Variants in RUNX2 observed in about 807,000 individuals in gnomAD.
RUNX2 encodes the protein runt-related transcription factor 2.
In RUNX2, 10 loss-of-function variants were observed where a neutral mutation model predicts 51.7. The observed-to-expected ratio is 0.19, with a 90% CI of 0.12 to 0.33. The LOEUF (loss-of-function observed/expected upper bound fraction) is 0.33, where lower values mean the gene tolerates loss of function less well. Among genes scored for constraint, RUNX2 ranks in the 10% least tolerant of loss-of-function variants. The probability of loss-of-function intolerance (pLI) is 1.00; values close to 1 mark genes in which losing one functional copy is unlikely to be tolerated. For missense variants in RUNX2, 562 were observed against 691.3 expected (o/e 0.81, Z 2.10); for synonymous variants, 276 against 273.6 (o/e 1.01, Z -0.09).
rs11498192 is a variant in RUNX2, at chr6:45,422,749, A to AGGCGGCGGCGGCGGCTGC, written c.243_260dup (p.Ala84_Ala89dup). ...CAGCAACAGCAGCAGCAGCAGCAGG[A>AGGCGGCGGCGGCGGCTGC]GGCGGCGGCGGCGGCTGCGGCGGCG... On this transcript the variant is annotated inframe_insertion, in exon 3 of 9. Transcript: ENST00000647337. 5.3e-5 allele frequency: 81 copies of AGGCGGCGGCGGCGGCTGC among 1,531,164 alleles called. No homozygotes were observed. The highest frequency in any genetic ancestry group is 7.2e-5 in the African/African-American group (5 of 69,924). 94.8% of individuals were successfully genotyped at this position (1,531,164 alleles called of 1,614,324 possible).
chr6:45,469,714 A>G (rs1162302705), intron 5 of RUNX2, among the ~76,000 whole-genome samples: 1 of 152,226 alleles, frequency 6.6e-6, no homozygotes, highest in Admixed American at 6.5e-5. Context: ...CAAAACCACT[A>G]TGGGTAATTC....
At chr6:45,466,308 C>T (rs984632094) in intron 5 of RUNX2, among the ~76,000 whole-genome samples, 4 of 150,736 alleles carry the variant, frequency 2.7e-5, no homozygotes, top group African/African-American at 9.8e-5. Flanking sequence ...AGTGAAACTC[C>T]GTCTTAAAAA....
At chr6:45,417,465 A>G (rs1798088546) in intron 2 of RUNX2, among the ~76,000 whole-genome samples, 1 of 152,224 alleles carries the variant, frequency 6.6e-6, no homozygotes, top group African/African-American at 2.4e-5. Context: ...TATTAATCTA[A>G]TTAACAATTT....
chr6:45,535,408 TC>T (rs1442498946), intron 7 of RUNX2, among the ~76,000 whole-genome samples: 2 of 151,906 alleles, frequency 1.3e-5, no homozygotes, highest in Non-Finnish European at 2.9e-5. Context: ...ATCGAGACCA[TC>T]CTGGCTAACA....
intron 2 of RUNX2, among the ~76,000 whole-genome samples, chr6:45,390,790 A>C (rs1026382212): frequency 5.9e-5 from 9 of 152,204 alleles, no homozygotes; most frequent in Admixed American, 1.3e-4. Flanking sequence ...ACATCACAGG[A>C]GAGAAGCTGG....
chr6:45,362,984 T>TA (rs1794525107), intron 2 of RUNX2, among the ~76,000 whole-genome samples: 1 of 152,102 alleles, frequency 6.6e-6, no homozygotes, highest in Non-Finnish European at 1.5e-5. Flanking sequence ...TTTAATATTT[T>TA]ATTTTTAATT....
At chr6:45,535,560 C>T (rs529185564) in intron 7 of RUNX2, among the ~76,000 whole-genome samples, 8 of 151,094 alleles carry the variant, frequency 5.3e-5, no homozygotes, top group African/African-American at 1.2e-4. Flanking sequence ...GCCGAGATTG[C>T]GCCACTGCAC....
chr6:45,494,443 A>G (rs1021002707), intron 6 of RUNX2, among the ~76,000 whole-genome samples: 5 of 152,236 alleles, frequency 3.3e-5, no homozygotes, highest in Admixed American at 3.3e-4. Flanking sequence ...TGGAATTTTT[A>G]TGAGTATTAG....
chr6:45,441,087 T>C (rs1165057226), intron 5 of RUNX2, among the ~76,000 whole-genome samples: 2 of 152,090 alleles, frequency 1.3e-5, no homozygotes, highest in African/African-American at 4.8e-5. Flanking sequence ...AGTGGAACAA[T>C]TTATATGCAA....
At chr6:45,510,727 G>C (rs1801116702) in intron 6 of RUNX2, among the ~76,000 whole-genome samples, 1 of 151,268 alleles carries the variant, frequency 6.6e-6, no homozygotes. Context: ...CTTACCCTAT[G>C]TCACCCAGAG....
chr6:45,333,147 A>G (rs1330581258), intron 2 of RUNX2, among the ~76,000 whole-genome samples: 1 of 151,772 alleles, frequency 6.6e-6, no homozygotes, highest in African/African-American at 2.4e-5. Flanking sequence ...GTCTCACATA[A>G]TGAAATTTTA....
chr6:45,367,369 T>A (rs1487333569), intron 2 of RUNX2, among the ~76,000 whole-genome samples: 1 of 152,122 alleles, frequency 6.6e-6, no homozygotes, highest in African/African-American at 2.4e-5. Context: ...AAGCCTAAAT[T>A]TGTGCCATTG....
At position 45,471,902 on chromosome 6, in the gene RUNX2, C is replaced by G. The variant is rs554977718; in HGVS notation, c.686-20039C>G. On this transcript the variant is annotated intron_variant, in intron 5 of 8. Transcript: ENST00000647337. ...TCCTTTGAAGGGCATATAGTAGAGG[C>G]TGGTCTTTTTTCTTTGATAGAGCCC... is the stretch of plus-strand genomic sequence containing the variant. Among the ~76,000 whole-genome samples, 41 of 152,256 alleles carry G rather than the reference C, an allele frequency of 2.7e-4. No homozygotes were observed. The South Asian group carries it at 8.5e-3, about 32-fold the overall frequency.
chr6:45,449,523 A>G (rs1312953233), intron 5 of RUNX2, among the ~76,000 whole-genome samples: 2 of 152,234 alleles, frequency 1.3e-5, no homozygotes, highest in Non-Finnish European at 2.9e-5. Context: ...ACAGGCAAGG[A>G]TTCCAGATAT....
chr6:45,523,887 A>G (rs1190771206), intron 7 of RUNX2, among the ~76,000 whole-genome samples: 1 of 151,990 alleles, frequency 6.6e-6, no homozygotes, highest in Non-Finnish European at 1.5e-5. Context: ...AGCTGAGATC[A>G]TGCCACTGCA....
chr6:45,456,705 G>T (rs1799329279), intron 5 of RUNX2, among the ~76,000 whole-genome samples: 1 of 152,140 alleles, frequency 6.6e-6, no homozygotes, highest in African/African-American at 2.4e-5. Context: ...GTATACCTTA[G>T]CAAAGGATGC....
In RUNX2 at chr6:45,422,826, G is replaced by C; in HGVS notation, c.292G>C (p.Asp98His). ...AGTGCCCCGGTTGCGGCCGCCCCAC[G>C]ACAACCGCACCATGGTGGAGATCAT... ...AAVPRLRPPHDNRTMVEIIAD... is the reference protein window; with the variant it reads ...AAVPRLRPPHHNRTMVEIIAD... The change falls in exon 3 of 9, where the codon GAC (aspartate) becomes CAC (histidine). Residue 98 changes from aspartate to histidine, a missense_variant. By Grantham distance (81) the Asp-to-His change is moderately conservative (BLOSUM62 -1). Transcript: ENST00000647337. 6.2e-7 allele frequency: 1 copy of C among 1,604,472 alleles called. No homozygotes were observed. The highest frequency in any genetic ancestry group is 8.5e-7 in the Non-Finnish European group (1 of 1,177,258).
chr6:45,354,066 T>A (rs1792629076), intron 2 of RUNX2, among the ~76,000 whole-genome samples: 1 of 150,880 alleles, frequency 6.6e-6, no homozygotes. Context: ...TGGAGGGAGG[T>A]GCTCTCATAA....
intron 2 of RUNX2, 23 bp from the exon 3 acceptor site, chr6:45,422,570 T>A: frequency 1.5e-6 from 2 of 1,373,546 alleles, no homozygotes; most frequent in Non-Finnish European, 1.9e-6. Context: ...AACTTGTGGC[T>A]GTTGTGATGC....
Sources: allele counts gnomAD v4.1 joint callset (sites outside exome capture counted in the v4.1 genomes callset), GRCh38; gene constraint gnomAD v4.1.1; transcripts MANE v1.5; gene names NCBI Gene and HGNC (gene_info 2026-07-23, HGNC 2026-07-21).